WDPCP: variants seen among roughly 807,000 people sequenced by gnomAD.
WDPCP encodes WD repeat-containing and planar cell polarity effector protein fritz homolog.
In WDPCP, 71 loss-of-function variants were observed where a neutral mutation model predicts 93.1. The ratio of observed to expected loss-of-function variants is 0.76; its 90% confidence interval spans 0.63 to 0.93. WDPCP has a LOEUF of 0.93. WDPCP is among the 40% of genes least tolerant of loss of function. The probability of loss-of-function intolerance (pLI) is 0.00; values close to 1 mark genes in which losing one functional copy is unlikely to be tolerated. For synonymous variants in WDPCP, 315 were observed against 315.0 expected (o/e 1.00, Z 0.00); for missense variants, 844 against 887.4 (o/e 0.95, Z 0.62).
intron 14 of WDPCP, among the ~76,000 whole-genome samples, chr2:63,192,417 G>T (rs1675120034): frequency 2.0e-5 from 3 of 152,070 alleles, no homozygotes; most frequent in Non-Finnish European, 4.4e-5. Context: ...AAGAATGATT[G>T]GGAGACTCCT....
intron 2 of WDPCP, among the ~76,000 whole-genome samples, chr2:63,745,401 C>A (rs779882506): frequency 1.3e-5 from 2 of 152,214 alleles, no homozygotes; most frequent in Non-Finnish European, 2.9e-5. Flanking sequence ...CTGCCAACAA[C>A]TATGAGTACC....
intron 1 of WDPCP, among the ~76,000 whole-genome samples, chr2:63,819,114 G>A (rs1041841642): frequency 5.9e-5 from 9 of 152,090 alleles, no homozygotes; most frequent in African/African-American, 1.9e-4. Flanking sequence ...AAACAGCTGA[G>A]GTACACTTAA....
chr2:63,330,163 AT>A (rs1215702746), intron 12 of WDPCP, among the ~76,000 whole-genome samples: 1 of 152,158 alleles, frequency 6.6e-6, no homozygotes, highest in African/African-American at 2.4e-5. Flanking sequence ...AGAAACCTTT[AT>A]ACTGTTTTCC....
chr2:63,147,470 A>G (rs1671595379), intron 17 of WDPCP, among the ~76,000 whole-genome samples: 2 of 152,208 alleles, frequency 1.3e-5, no homozygotes, highest in Non-Finnish European at 2.9e-5. Flanking sequence ...GAGACCACAT[A>G]TGGAGGAGCA....
intron 2 of WDPCP, among the ~76,000 whole-genome samples, chr2:63,658,055 T>G (rs567589625): frequency 6.6e-6 from 1 of 152,258 alleles, no homozygotes; most frequent in South Asian, 2.1e-4. Flanking sequence ...TTAATGGCAT[T>G]TTTTTTAGCT....
At chr2:63,619,497 A>C (rs1709708747) in intron 3 of WDPCP, among the ~76,000 whole-genome samples, 1 of 152,182 alleles carries the variant, frequency 6.6e-6, no homozygotes, top group Non-Finnish European at 1.5e-5. Flanking sequence ...ACTTCCTTGC[A>C]GCATTGCCTC....
At chr2:63,248,944 A>C (rs1028011895) in intron 14 of WDPCP, among the ~76,000 whole-genome samples, 29 of 149,994 alleles carry the variant, frequency 1.9e-4, no homozygotes, top group African/African-American at 6.6e-4. Context: ...AGTTCTTTAT[A>C]TGGTTTCCTT....
At chr2:63,438,919 T>C (rs1000388231) in intron 7 of WDPCP, among the ~76,000 whole-genome samples, 2 of 152,110 alleles carry the variant, frequency 1.3e-5, no homozygotes, top group African/African-American at 2.4e-5. Context: ...AATAAAAGAA[T>C]ATAATCTTTA....
Position 63,455,008 on chromosome 2 carries a change from A to T in WDPCP, c.385-15137T>A, listed in dbSNP as rs201420451. ...TTCACAGACAAGCAAATGCTGAAGCAATTCATCACTACTAGACCTGCCTTA... is the reference window on the plus strand; with the variant it reads ...TTCACAGACAAGCAAATGCTGAAGCTATTCATCACTACTAGACCTGCCTTA... On this transcript the variant is annotated intron_variant, in intron 6 of 17. Coordinates refer to ENST00000272321, the MANE Select transcript of WDPCP (RefSeq NM_015910.7). Among the ~76,000 whole-genome samples the T allele has an allele frequency of 6.6e-5, 10 of 152,344 alleles. No individual in the cohort carries two copies. The East Asian group carries it at 1.9e-3, about 29-fold the overall frequency.
rs1299948766 is a variant in WDPCP at position 63,681,322 on chromosome 2, G to C, written n.309-30484C>G. ...CAGAGGGGAGCCCACTGCTCCGAAG[G>C]GTGAGTCACAGGCCTGGTAGCATTC... is the stretch of plus-strand genomic sequence containing the variant. On this transcript the variant is annotated intron_variant and non_coding_transcript_variant, in intron 2 of 4. Coordinates refer to the WDPCP transcript ENST00000467687. Among the ~76,000 whole-genome samples, 4 of 152,238 alleles carry C rather than the reference G, an allele frequency of 2.6e-5. No individual in the cohort carries two copies. The East Asian group carries it at 7.7e-4, about 29-fold the overall frequency.
At chr2:63,454,962 CA>C in intron 6 of WDPCP, among the ~76,000 whole-genome samples, 1 of 152,238 alleles carries the variant, frequency 6.6e-6, no homozygotes, top group South Asian at 2.1e-4. Flanking sequence ...AATTACCCTT[CA>C]TAAATGAGAA....
upstream of WDPCP, among the ~76,000 whole-genome samples, chr2:63,830,942 T>C (rs980349560): frequency 4.5e-4 from 69 of 152,290 alleles, no homozygotes; most frequent in African/African-American, 1.6e-3. Flanking sequence ...ACTCACATCT[T>C]TAAATATCTT....
At chr2:63,238,448 T>G (rs1392390144) in intron 14 of WDPCP, among the ~76,000 whole-genome samples, 3 of 152,182 alleles carry the variant, frequency 2.0e-5, no homozygotes, top group Non-Finnish European at 2.9e-5. Flanking sequence ...TTGTGAAATT[T>G]TAAAGAATGT....
chr2:63,126,883 A>G (rs559436117), intron 17 of WDPCP, among the ~76,000 whole-genome samples: 16 of 151,870 alleles, frequency 1.1e-4, no homozygotes, highest in African/African-American at 3.1e-4. Flanking sequence ...AGGTCTTGCT[A>G]TGTTGCCTAA....
intron 3 of WDPCP, among the ~76,000 whole-genome samples, chr2:63,625,958 C>T (rs1033929901): frequency 6.6e-6 from 1 of 152,146 alleles, no homozygotes; most frequent in African/African-American, 2.4e-5. Flanking sequence ...CTACAGTAAC[C>T]AAAACAGCAT....
chr2:63,233,580 A>T (rs989894559), intron 14 of WDPCP: 1 of 162,590 alleles, frequency 6.2e-6, no homozygotes, highest in African/African-American at 2.4e-5. Flanking sequence ...AGAGACACAG[A>T]CGAAGTAAAT....
chr2:63,464,784 C>A, intron 6 of WDPCP, among the ~76,000 whole-genome samples: 1 of 151,060 alleles, frequency 6.6e-6, no homozygotes, highest in African/African-American at 2.4e-5. Flanking sequence ...CAGTCAGTAA[C>A]AAAAAGATAT....
intron 1 of WDPCP, among the ~76,000 whole-genome samples, chr2:63,582,727 T>G (rs151325426): frequency 1.3e-5 from 2 of 152,220 alleles, no homozygotes; most frequent in African/African-American, 4.8e-5. Flanking sequence ...TGATAGTAGA[T>G]TTTTAATCAG....
intron 6 of WDPCP, among the ~76,000 whole-genome samples, chr2:63,476,396 C>T (rs1263632782): frequency 6.6e-6 from 1 of 152,114 alleles, no homozygotes; most frequent in Non-Finnish European, 1.5e-5. Context: ...TAATATAATT[C>T]CCTTTTTCTG....
Sources: gnomAD v4.1 joint callset for allele counts (sites outside exome capture counted in the v4.1 genomes callset) on GRCh38, gnomAD v4.1.1 for gene constraint, MANE v1.5 for transcripts, NCBI Gene and HGNC (gene_info 2026-07-23, HGNC 2026-07-21) for gene names.